Variants in SLC44A1 observed in about 807,000 individuals in gnomAD.
The protein encoded by SLC44A1 is solute carrier family 44 member 1.
In SLC44A1, 26 loss-of-function variants were observed where a neutral mutation model predicts 79.3. The observed-to-expected ratio is 0.33, with a 90% CI of 0.24 to 0.46. The LOEUF is 0.46. Among genes scored for constraint, SLC44A1 ranks in the 20% least tolerant of loss-of-function variants. The pLI is 1.00. For synonymous variants in SLC44A1, 263 were observed against 286.2 expected, an observed-to-expected ratio of 0.92 and a Z score of 0.82; for missense variants, 688 against 798.1, an observed-to-expected ratio of 0.86 and a Z score of 1.66.
chr9:105,321,515 G>A (rs1200807729), intron 3 of SLC44A1, among the ~76,000 whole-genome samples: 1 of 152,090 alleles, frequency 6.6e-6, no homozygotes, highest in Non-Finnish European at 1.5e-5. Flanking sequence ...TAAATAACTA[G>A]TTGCAGCAAA....
intron 1 of SLC44A1, among the ~76,000 whole-genome samples, chr9:105,255,507 GTTTAA>G (rs140200024): frequency 0.016 from 2,360 of 152,246 alleles, 64 homozygotes; most frequent in African/African-American, 0.053. Context: ...ATGGCAAAAA[GTTTAA>G]TTTAAAACAT....
intron 1 of SLC44A1, 24 bp downstream of exon 1, chr9:105,244,928 C>G: frequency 8.5e-7 from 1 of 1,174,252 alleles, no homozygotes. Context: ...GCCTCCCGGC[C>G]GCCCGCCCGG....
At chr9:105,414,999 C>T (rs1019928861) in intron 15 of SLC44A1, among the ~76,000 whole-genome samples, 6 of 151,946 alleles carry the variant, frequency 3.9e-5, no homozygotes, top group Non-Finnish European at 7.4e-5. Context: ...GGGATACTCA[C>T]CCATCAAACA....
chr9:105,288,355 G>A (rs1659516353), intron 1 of SLC44A1, among the ~76,000 whole-genome samples: 1 of 151,612 alleles, frequency 6.6e-6, no homozygotes, highest in African/African-American at 2.4e-5. Context: ...TTGTTTGTTT[G>A]TTTTTTGTTT....
chr9:105,250,572 C>A (rs950143653), intron 1 of SLC44A1, among the ~76,000 whole-genome samples: 4 of 152,086 alleles, frequency 2.6e-5, no homozygotes, highest in African/African-American at 9.7e-5. Flanking sequence ...ATGAGATAAA[C>A]CTACTATCAC....
Position 105,392,672 on chromosome 9 carries a change from C to G in SLC44A1, c.*3616C>G. 1 of 985,394 alleles carries G rather than the reference C, an allele frequency of 1.0e-6. No individual in the cohort carries two copies. The highest frequency in any genetic ancestry group is 4.7e-5 in the South Asian group (1 of 21,286). 61.0% of individuals were successfully genotyped at this position (985,394 alleles called of 1,614,324 possible). On this transcript the variant is annotated 3_prime_UTR_variant, in exon 16 of 16. Transcript: ENST00000374720. ...ACATATGTGTGAGGCCACATCACTGCCCCTGAGGCTTCAACTATTTCCACC... is the reference window on the plus strand; with the variant it reads ...ACATATGTGTGAGGCCACATCACTGGCCCTGAGGCTTCAACTATTTCCACC...
intron 3 of SLC44A1, among the ~76,000 whole-genome samples, chr9:105,327,750 T>C (rs1046505765): frequency 6.6e-6 from 1 of 152,208 alleles, no homozygotes; most frequent in Non-Finnish European, 1.5e-5. Context: ...ACTCATTCTT[T>C]AGGTCCCAGC....
rs147733379 is a variant in SLC44A1, at chr9:105,260,388, T to C, written c.36+15484T>C. 2.5e-3 allele frequency among the ~76,000 whole-genome samples: 381 copies of C among 152,300 alleles called. 3 individuals carry two copies. The highest frequency in any genetic ancestry group is 8.9e-3 in the African/African-American group (371 of 41,566). On this transcript the variant is annotated intron_variant, in intron 1 of 15. Transcript: ENST00000374720. ...CTACACAGCACACTTTGAGTAACAC[T>C]GCTTGAAATACTGCTTCTCAATTTC...
intron 15 of SLC44A1, among the ~76,000 whole-genome samples, chr9:105,408,665 C>T (rs1363467634): frequency 6.6e-6 from 1 of 152,204 alleles, no homozygotes; most frequent in Non-Finnish European, 1.5e-5. Flanking sequence ...CCCACCTCGG[C>T]TTCCCAAAGT....
chr9:105,316,012 T>C (rs1831314088), intron 3 of SLC44A1, among the ~76,000 whole-genome samples: 1 of 152,226 alleles, frequency 6.6e-6, no homozygotes, highest in African/African-American at 2.4e-5. Context: ...ACAAGCGACC[T>C]AAGTGGTTGA....
intron 1 of SLC44A1, among the ~76,000 whole-genome samples, chr9:105,262,077 C>T (rs977757996): frequency 6.6e-6 from 1 of 152,096 alleles, no homozygotes; most frequent in Non-Finnish European, 1.5e-5. Flanking sequence ...AGCCACCACG[C>T]CTGGCCCTGT....
Position 105,390,127 on chromosome 9 carries a change from T to C in SLC44A1, c.*1071T>C, listed in dbSNP as rs1240201940. Reference sequence around the variant, plus strand: ...AGTTCTACGATGTTTAACTGAAGAATTGGCTAATGTTTTGATCCTCCAGTG... The same window carrying C: ...AGTTCTACGATGTTTAACTGAAGAACTGGCTAATGTTTTGATCCTCCAGTG... On this transcript the variant is annotated 3_prime_UTR_variant, in exon 16 of 16. Transcript: ENST00000374720. 1.2e-5 allele frequency: 15 copies of C among 1,240,362 alleles called. No individual in the cohort carries two copies. Among genetic ancestry groups the C allele is most frequent in the Admixed American group, 4.2e-5 (1 of 24,042 alleles). The allele number at this position is 1,240,362 out of a possible 1,614,324, so 76.8% of individuals were successfully genotyped here.
chr9:105,402,129 A>G (rs572609730), downstream of SLC44A1, among the ~76,000 whole-genome samples: 1 of 152,320 alleles, frequency 6.6e-6, no homozygotes, highest in South Asian at 2.1e-4. Context: ...GACCCTGGAG[A>G]GGATACAGGA....
At chr9:105,362,206 C>T (rs994195032) in intron 8 of SLC44A1, among the ~76,000 whole-genome samples, 2 of 152,134 alleles carry the variant, frequency 1.3e-5, no homozygotes, top group Non-Finnish European at 2.9e-5. Flanking sequence ...GAAAAAAAAT[C>T]AGTCTACTTC....
At chr9:105,377,470 G>C (rs966777775) in intron 13 of SLC44A1, among the ~76,000 whole-genome samples, 4 of 152,080 alleles carry the variant, frequency 2.6e-5, no homozygotes, top group Non-Finnish European at 4.4e-5. Context: ...AAAAAGATGA[G>C]TTGGGCGCGG....
chr9:105,304,527 C>G (rs1830965990), intron 2 of SLC44A1, among the ~76,000 whole-genome samples: 1 of 152,070 alleles, frequency 6.6e-6, no homozygotes, highest in South Asian at 2.1e-4. Flanking sequence ...TTTATTTATT[C>G]TCAGTCACTG....
rs757842883 is a variant in SLC44A1 at position 105,389,024 on chromosome 9, G to A, written c.1951-9G>A. 6.2e-7 allele frequency: 1 copy of A among 1,610,442 alleles called. No individual in the cohort carries two copies. Among genetic ancestry groups the A allele is most frequent in the Non-Finnish European group, 8.5e-7 (1 of 1,176,882 alleles). On this transcript the variant is annotated splice_polypyrimidine_tract_variant and intron_variant, in intron 15 of 15. Coordinates refer to ENST00000374720, the MANE Select transcript of SLC44A1 (RefSeq NM_080546.5). Reference sequence around the variant, plus strand: ...CTAAGATTATACTCTGTATGACTTTGTTTTCTAGGCTTCGGGAGCAAGTTC... The same window carrying A: ...CTAAGATTATACTCTGTATGACTTTATTTTCTAGGCTTCGGGAGCAAGTTC...
intron 2 of SLC44A1, among the ~76,000 whole-genome samples, chr9:105,302,427 A>T (rs1262267938): frequency 6.6e-6 from 1 of 151,622 alleles, no homozygotes; most frequent in Non-Finnish European, 1.5e-5. Context: ...ATCTTGGCTC[A>T]CTGCAACCTC....
chr9:105,279,603 AC>A (rs1830301769), intron 1 of SLC44A1, among the ~76,000 whole-genome samples: 1 of 152,184 alleles, frequency 6.6e-6, no homozygotes, highest in Admixed American at 6.5e-5. Flanking sequence ...GGCGTGAGCC[AC>A]TGCGCCTGGC....
Sources: allele counts gnomAD v4.1 joint callset (sites outside exome capture counted in the v4.1 genomes callset), GRCh38; gene constraint gnomAD v4.1.1; transcripts MANE v1.5; gene names NCBI Gene and HGNC (gene_info 2026-07-23, HGNC 2026-07-21).